Variants in TIAM2 observed in about 807,000 individuals in gnomAD.
TIAM2 encodes TIAM Rac1 associated GEF 2, also known as rho guanine nucleotide exchange factor TIAM2.
TIAM2 carries 80 observed loss-of-function variants against 152.9 expected under a neutral mutation model. That is an observed-to-expected ratio of 0.52 (90% confidence interval 0.44 to 0.63). The LOEUF is 0.63. Among genes scored for constraint, TIAM2 ranks in the 30% least tolerant of loss-of-function variants. The pLI is 0.00. For missense variants in TIAM2, 1,965 were observed against 2,120.1 expected (o/e 0.93, Z 1.44); for synonymous variants, 804 against 838.0 (o/e 0.96, Z 0.70).
Position 155,183,419 on chromosome 6 carries a change from C to T in TIAM2, c.2983C>T (p.Gln995Ter). The T allele has an allele frequency of 6.2e-7, 1 of 1,614,182 alleles. No homozygotes were observed. The highest frequency in any genetic ancestry group is 8.5e-7 in the Non-Finnish European group (1 of 1,180,016). ...AGACAGTGACCTGTTCTCCAGGGAC[C>T]AGAAGAGTCTGCTGCCCCCTCCTAA... ...WSDSDLFSRD[Q>*]KSLLPPPNQS... The change falls in exon 14 of 27, where the codon CAG (glutamine) becomes TAG (stop). Residue 995 changes from glutamine (Q) to a stop codon, truncating the protein, a stop_gained. Coordinates refer to ENST00000682666, the MANE Select transcript of TIAM2 (RefSeq NM_012454.4). LOFTEE classifies it high-confidence loss of function.
rs764185106 is a variant in TIAM2 at position 155,240,552 on chromosome 6, T to C, written c.3191T>C (p.Leu1064Pro). ...CAGAGTGCTGAGCAGATCACTGCAC[T>C]GTGCAGGAGTTTTAACGACAGTCAG... is the stretch of plus-strand genomic sequence containing the variant. Reference protein sequence around the residue: ...TFRSAEQITALCRSFNDSQAN... With the variant: ...TFRSAEQITAPCRSFNDSQAN... Residue 1064 changes from leucine to proline, a missense_variant, in exon 16 of 27, where the codon CTG becomes CCG. This residue lies in a region of TIAM2 where 935 missense variants were observed against 980.0 expected (regional missense o/e 0.95). Transcript: ENST00000682666. 6 of 1,613,874 alleles carry C rather than the reference T, an allele frequency of 3.7e-6. No homozygotes were observed. The highest frequency in any genetic ancestry group is 1.1e-5 in the South Asian group (1 of 91,070).
chr6:155,016,067 C>T (rs944460060), intron 1 of TIAM2, among the ~76,000 whole-genome samples: 7 of 150,974 alleles, frequency 4.6e-5, no homozygotes, highest in South Asian at 2.1e-4. Flanking sequence ...GATCTTCAAG[C>T]GTTGCTGGTG....
At chr6:155,031,502 T>G (rs868673958) in intron 1 of TIAM2, among the ~76,000 whole-genome samples, 2 of 152,202 alleles carry the variant, frequency 1.3e-5, no homozygotes, top group Admixed American at 1.3e-4. Context: ...GTGGGCAGAT[T>G]ACTTGAACCC....
At chr6:155,251,435 C>T (rs1442956300) in intron 22 of TIAM2, among the ~76,000 whole-genome samples, 1 of 151,950 alleles carries the variant, frequency 6.6e-6, no homozygotes, top group African/African-American at 2.4e-5. Flanking sequence ...TACAGGTGCT[C>T]GCCACCACGC....
Position 155,154,705 on chromosome 6 carries a change from G to A in TIAM2, c.2028+6371G>A, listed in dbSNP as rs138898509. 4.4e-3 allele frequency among the ~76,000 whole-genome samples: 666 copies of A among 152,300 alleles called. 4 individuals carry two copies. Among genetic ancestry groups the A allele is most frequent in the African/African-American group, 0.015 (631 of 41,570 alleles). On this transcript the variant is annotated intron_variant, in intron 7 of 26. Coordinates refer to ENST00000682666, the MANE Select transcript of TIAM2 (RefSeq NM_012454.4). ...TGCCTCATTATGTGCGATTTCCAGG[G>A]TAGACAGGCCTGCTTCTGTGGTTAA...
At chr6:155,123,270 A>G (rs1779216076) in intron 2 of TIAM2, among the ~76,000 whole-genome samples, 1 of 151,752 alleles carries the variant, frequency 6.6e-6, no homozygotes, top group Non-Finnish European at 1.5e-5. Flanking sequence ...ACTTTGTTCT[A>G]TATTTCTGTC....
intron 4 of TIAM2, among the ~76,000 whole-genome samples, chr6:155,135,344 TA>T (rs1352831959): frequency 6.6e-6 from 1 of 152,196 alleles, no homozygotes; most frequent in African/African-American, 2.4e-5. Context: ...ATATTCAAAA[TA>T]AGGCCTTTAG....
At chr6:155,176,358 C>G (rs1482182609) in intron 9 of TIAM2, among the ~76,000 whole-genome samples, 1 of 152,186 alleles carries the variant, frequency 6.6e-6, no homozygotes, top group Non-Finnish European at 1.5e-5. Context: ...CTCAGCTTCC[C>G]AAGTAGCTGG....
chr6:155,257,219 T>G lies in TIAM2; in HGVS notation c.*98T>G. 5.6e-6 allele frequency: 7 copies of G among 1,250,792 alleles called. No individual in the cohort carries two copies. The highest frequency in any genetic ancestry group is 2.5e-5 in the East Asian group (1 of 40,642). The allele number at this position is 1,250,792 out of a possible 1,614,324, so 77.5% of individuals were successfully genotyped here. A position where few individuals can be genotyped will look rare whatever the true frequency, so the allele number is the denominator to read the frequency against. On this transcript the variant is annotated 3_prime_UTR_variant, in exon 27 of 27. Coordinates refer to ENST00000682666, the MANE Select transcript of TIAM2 (RefSeq NM_012454.4). ...AAAAAAAAAAAAAAAAAACTGTTCA[T>G]TCCTGGGTTTTGTGCAGTATACATT...
intron 12 of TIAM2, among the ~76,000 whole-genome samples, chr6:155,180,253 T>G (rs1415885884): frequency 6.6e-6 from 1 of 152,176 alleles, no homozygotes; most frequent in African/African-American, 2.4e-5. Context: ...ACCACTGTAC[T>G]CTAGCCTGGG....
chr6:155,169,993 A>G (rs1352077387), intron 9 of TIAM2, among the ~76,000 whole-genome samples: 2 of 151,810 alleles, frequency 1.3e-5, no homozygotes, highest in Non-Finnish European at 2.9e-5. Flanking sequence ...TAATTTTTGT[A>G]TTTTTAGTAG....
intron 16 of TIAM2, among the ~76,000 whole-genome samples, chr6:155,243,226 T>A (rs1783139429): frequency 1.3e-5 from 2 of 152,188 alleles, no homozygotes; most frequent in Admixed American, 6.5e-5. Context: ...TTTGAGATTC[T>A]GTGAATCAGT....
At chr6:155,025,252 G>T (rs1222763451) in intron 1 of TIAM2, among the ~76,000 whole-genome samples, 1 of 150,082 alleles carries the variant, frequency 6.7e-6, no homozygotes, top group African/African-American at 2.5e-5. Flanking sequence ...GGAGTGCAGT[G>T]GCATGATCTC....
At chr6:155,049,623 G>C (rs1160068072) in intron 1 of TIAM2, among the ~76,000 whole-genome samples, 2 of 152,026 alleles carry the variant, frequency 1.3e-5, no homozygotes, top group Admixed American at 1.3e-4. Flanking sequence ...TTACCAGTCT[G>C]TTCTAACCCC....
chr6:155,081,396 G>A (rs1330519621), intron 1 of TIAM2, among the ~76,000 whole-genome samples: 2 of 92,656 alleles, frequency 2.2e-5, no homozygotes, highest in Non-Finnish European at 4.2e-5. Context: ...TATTATAAAT[G>A]AGTCTTCTGA....
intron 14 of TIAM2, among the ~76,000 whole-genome samples, chr6:155,187,254 A>G (rs950237807): frequency 6.6e-6 from 1 of 152,144 alleles, no homozygotes; most frequent in Admixed American, 6.5e-5. Flanking sequence ...AGTGGGAAAA[A>G]AAATCTGTCT....
At chr6:155,068,082 G>A (rs1057128132) in intron 1 of TIAM2, among the ~76,000 whole-genome samples, 1 of 152,180 alleles carries the variant, frequency 6.6e-6, no homozygotes, top group East Asian at 1.9e-4. Context: ...TCTTAGTATA[G>A]ACAGTTACAC....
chr6:155,115,801 G>C (rs1473770614), intron 2 of TIAM2, among the ~76,000 whole-genome samples: 1 of 152,130 alleles, frequency 6.6e-6, no homozygotes, highest in Non-Finnish European at 1.5e-5. Flanking sequence ...CTTGTGCCTG[G>C]GGTATCCCGG....
rs1420647125 is a variant in TIAM2 at position 155,174,702 on chromosome 6, G to A, written c.2362-2114G>A. On this transcript the variant is annotated intron_variant, in intron 9 of 26. Transcript: ENST00000682666. The surrounding 1 kb of genome is among the most constrained non-coding windows in gnomAD (Gnocchi z 4.2). ...CAGTCTTTCTCTGATTGTCAGTAAC[G>A]GTGAGAACAAGAGGGTGTGAAGGCA... 6.6e-6 allele frequency among the ~76,000 whole-genome samples: 1 copy of A among 152,146 alleles called. No homozygotes were observed. Among genetic ancestry groups the A allele is most frequent in the African/African-American group, 2.4e-5 (1 of 41,422 alleles).
Sources: allele counts gnomAD v4.1 joint callset (sites outside exome capture counted in the v4.1 genomes callset), GRCh38; gene constraint gnomAD v4.1.1; regional missense constraint gnomAD v4.1.1; non-coding constraint Gnocchi (gnomAD v3.1); transcripts MANE v1.5; gene names NCBI Gene and HGNC (gene_info 2026-07-23, HGNC 2026-07-21).